RNF126: variants seen among roughly 807,000 people sequenced by gnomAD.
RNF126 encodes the protein ring finger protein 126.
RNF126 carries 20 observed loss-of-function variants against 41.9 expected under a neutral mutation model. That is an observed-to-expected ratio of 0.48 (90% CI 0.34 to 0.69). The LOEUF is 0.69. Ranked by LOEUF, RNF126 falls within the 30% of genes least tolerant of loss-of-function variation. RNF126 has a pLI of 0.01. For synonymous variants in RNF126, 239 were observed against 202.9 expected (o/e 1.18, Z -1.51); for missense variants, 433 against 460.6 (o/e 0.94, Z 0.55).
chr19:659,764 G>GC lies in RNF126; in HGVS notation c.75+3282dup, dbSNP rs1345288343. Among the ~76,000 whole-genome samples, 1 of 145,694 alleles carries GC rather than the reference G, an allele frequency of 6.9e-6. No homozygotes were observed. The highest frequency in any genetic ancestry group is 1.5e-5 in the Non-Finnish European group (1 of 66,646). On this transcript the variant is annotated intron_variant, in intron 1 of 8. Coordinates refer to ENST00000292363, the MANE Select transcript of RNF126 (RefSeq NM_194460.3). The surrounding 1 kb of genome is among the most constrained non-coding windows in gnomAD (Gnocchi z 4.9). Reference sequence around the variant, plus strand: ...CAGACACCCAGACACCCTCGTCATCGCCTTTTTTTTTTTTTTTTGGAAGGA... The same window carrying GC: ...CAGACACCCAGACACCCTCGTCATCGCCCTTTTTTTTTTTTTTTTGGAAGGA...
rs201714687 is a variant in RNF126 at position 648,353 on chromosome 19, G to A, written c.786+19C>T. ...AGGGCCGCGGTCGGGGTGGGGGGGC[G>A]GGTGGGCGGGGCACTCACCTGCTCC... On this transcript the variant is annotated intron_variant, in intron 8 of 8. Coordinates refer to ENST00000292363, the MANE Select transcript of RNF126 (RefSeq NM_194460.3). 3.8e-4 allele frequency: 253 copies of A among 659,626 alleles called. No individual in the cohort carries two copies. In the East Asian group the frequency reaches 7.0e-3, roughly 18 times the overall value. 40.9% of individuals were successfully genotyped at this position (659,626 alleles called of 1,614,324 possible). A position where few individuals can be genotyped will look rare whatever the true frequency, so the allele number is the denominator to read the frequency against.
chr19:652,744 C>T (rs1015949169), intron 2 of RNF126, 82 bp downstream of exon 2: 30 of 1,328,710 alleles, frequency 2.3e-5, no homozygotes, highest in Admixed American at 7.3e-5. Context: ...CTCGGCGGGG[C>T]GGACGCCAGC....
chr19:656,222 C>T (rs1170067589), intron 1 of RNF126, among the ~76,000 whole-genome samples: 2 of 152,006 alleles, frequency 1.3e-5, no homozygotes, highest in South Asian at 2.1e-4. Flanking sequence ...ATGGGCCAGG[C>T]GCCTGTGGTC....
intron 1 of RNF126, among the ~76,000 whole-genome samples, chr19:654,732 C>T (rs943746547): frequency 5.4e-5 from 8 of 148,512 alleles, no homozygotes; most frequent in African/African-American, 1.8e-4. Context: ...TTTGGGAGGC[C>T]GAGGCAGGCG....
At position 651,699 on chromosome 19, in the gene RNF126, G is replaced by A. The variant is rs761653943; in HGVS notation, c.355C>T (p.Arg119Trp). ...ESRRERDHPS[R>W]HRYGARQPRA... ...GGCTGTCGGGCGCCGTACCGGTGCCGGGACGGATGGTCTCTCTCCCGCCGG... is the reference window on the plus strand; with the variant it reads ...GGCTGTCGGGCGCCGTACCGGTGCCAGGACGGATGGTCTCTCTCCCGCCGG... Residue 119 changes from arginine to tryptophan, a missense_variant, in exon 4 of 9, where the codon CGG (arginine) becomes TGG (tryptophan). Coordinates refer to ENST00000292363, the MANE Select transcript of RNF126 (RefSeq NM_194460.3). 27 of 1,602,364 alleles carry A rather than the reference G, an allele frequency of 1.7e-5. No individual in the cohort carries two copies. The highest frequency in any genetic ancestry group is 5.4e-5 in the African/African-American group (4 of 74,620).
rs1387134512 is a variant in RNF126 at position 652,743 on chromosome 19, G to A, written c.134+83C>T. ...GCCTGACGGCCCCACACTCGGCGGGGCGGACGCCAGCACAGCCCACACCCC... is the reference window on the plus strand; with the variant it reads ...GCCTGACGGCCCCACACTCGGCGGGACGGACGCCAGCACAGCCCACACCCC... On this transcript the variant is annotated intron_variant, in intron 2 of 8. Transcript: ENST00000292363. The A allele has an allele frequency of 3.1e-5, 41 of 1,325,646 alleles. No homozygotes were observed. The East Asian group carries it at 3.3e-4, about 11-fold the overall frequency. 82.1% of individuals were successfully genotyped at this position (1,325,646 alleles called of 1,614,324 possible).
At chr19:656,342 C>CA (rs1250813846) in intron 1 of RNF126, among the ~76,000 whole-genome samples, 3 of 150,966 alleles carry the variant, frequency 2.0e-5, no homozygotes, top group Non-Finnish European at 3.0e-5. Context: ...AAAACAAAAA[C>CA]AAAAAAAAGA....
In RNF126 at chr19:656,728, G is replaced by A. The variant is rs371134337; in HGVS notation, c.76-3844C>T. On this transcript the variant is annotated intron_variant, in intron 1 of 8. Transcript: ENST00000292363. The stretch of plus-strand genomic sequence containing the variant: ...TGGCCCTGAGCTTAGTGTGGGAGCA[G>A]TGTGGCTCTGCCACAGTGGCCGTGA... Among the ~76,000 whole-genome samples the A allele has an allele frequency of 3.3e-5, 5 of 152,246 alleles. No homozygotes were observed. The East Asian group carries it at 9.6e-4, about 29-fold the overall frequency.
chr19:658,252 C>G (rs1300069574), intron 1 of RNF126, among the ~76,000 whole-genome samples: 1 of 152,128 alleles, frequency 6.6e-6, no homozygotes, highest in Non-Finnish European at 1.5e-5. Flanking sequence ...GGCAGGGCAG[C>G]AGAGGCCCCT....
intron 5 of RNF126, 117 bp downstream of exon 5, chr19:650,117 G>A: frequency 1.2e-6 from 1 of 840,134 alleles, no homozygotes; most frequent in South Asian, 1.7e-5. Context: ...GCTGGGGATG[G>A]GGACAGGCAC....
At position 651,629 on chromosome 19, in the gene RNF126, C is replaced by A; in HGVS notation, c.425G>T (p.Gly142Val). 1 of 1,465,510 alleles carries A rather than the reference C, an allele frequency of 6.8e-7. No individual in the cohort carries two copies. Among genetic ancestry groups the A allele is most frequent in the Non-Finnish European group, 9.0e-7 (1 of 1,111,112 alleles). The allele number at this position is 1,465,510 out of a possible 1,614,324, so 90.8% of individuals were successfully genotyped here. Residue 142 changes from glycine (G) to valine (V), a missense_variant, in exon 4 of 9, where the codon GGC (glycine) becomes GTC (valine). Physicochemically the swap from Gly to Val is moderately radical, Grantham distance 109 (BLOSUM62 -3). This residue lies in a region of RNF126 where 247 missense variants were observed against 224.7 expected (regional missense o/e 1.10). Coordinates refer to ENST00000292363, the MANE Select transcript of RNF126 (RefSeq NM_194460.3). ...CCCTCACCCTTCCAGCGTGGGGACG[C>A]CTTCGTGCCGGCCGGTGGCCCGCCG... ...TTRRATGRHE[G>V]VPTLEGIIQQ...
intron 1 of RNF126, among the ~76,000 whole-genome samples, chr19:655,709 G>T (rs137868233): frequency 6.6e-5 from 10 of 152,168 alleles, no homozygotes; most frequent in Non-Finnish European, 1.3e-4. Context: ...AGACCCCAGA[G>T]AAACGAAGAC....
intron 6 of RNF126, chr19:649,411 T>G (rs1208614126): frequency 1.9e-6 from 1 of 515,206 alleles, no homozygotes; most frequent in Non-Finnish European, 3.5e-6. Flanking sequence ...CCGCGTGGCC[T>G]CCTGACCATG....
rs937213575 is a variant in RNF126, at chr19:651,991, G to A, written c.199-136C>T. ...GGTGGGAGGGAGACGCAGACAGGGA[G>A]GCAGGAATTGGGCAGAGCCTGCCCC... On this transcript the variant is annotated intron_variant, in intron 3 of 8. Transcript: ENST00000292363. The A allele has an allele frequency of 3.1e-5, 25 of 805,034 alleles. No homozygotes were observed. The Admixed American group carries it at 3.5e-4, about 11-fold the overall frequency. 49.9% of individuals were successfully genotyped at this position (805,034 alleles called of 1,614,324 possible).
At position 656,791 on chromosome 19, in the gene RNF126, G is replaced by T. The variant is rs549858696; in HGVS notation, c.76-3907C>A. On this transcript the variant is annotated intron_variant, in intron 1 of 8. Transcript: ENST00000292363. ...GGCGTCGGTTCTTGGGGTGTGTTTG[G>T]GGTGTCGGGATTGGGACGCCCCACG... Among the ~76,000 whole-genome samples, 52 of 152,312 alleles carry T rather than the reference G, an allele frequency of 3.4e-4. 1 individual carries two copies. The highest frequency in any genetic ancestry group is 1.3e-3 in the African/African-American group (52 of 41,560).
Position 648,230 on chromosome 19 carries a change from C to A in RNF126, c.834G>T (p.Thr278=). Residue 278 remains threonine (T), a synonymous_variant, in exon 9 of 9, where the codon ACG becomes ACT. Transcript: ENST00000292363. The part of the protein sequence containing the change: ...VCRKSLTGQN[T]ATNPPGLTGV... ...CAGTGAGGCCAGGGGGGTTCGTGGC[C>A]GTGTTCTGTCCCGTGAGGCTTTTTC... is the stretch of plus-strand genomic sequence containing the variant. 1.3e-6 allele frequency: 2 copies of A among 1,596,148 alleles called. No homozygotes were observed. Among genetic ancestry groups the A allele is most frequent in the Non-Finnish European group, 1.7e-6 (2 of 1,171,734 alleles).
At chr19:657,985 A>G (rs2030630133) in intron 1 of RNF126, among the ~76,000 whole-genome samples, 1 of 152,024 alleles carries the variant, frequency 6.6e-6, no homozygotes, top group Non-Finnish European at 1.5e-5. Flanking sequence ...GGGCCTGGTG[A>G]AGGAGCTGCC....
At chr19:652,182 GC>G in intron 3 of RNF126, 50 bp downstream of exon 3, 2 of 1,425,864 alleles carry the variant, frequency 1.4e-6, no homozygotes, top group Non-Finnish European at 9.3e-7. Context: ...GGCGCTCGGG[GC>G]CCCGAGCAAG....
chr19:649,487 A>T (rs2030166965), intron 6 of RNF126, 192 bp downstream of exon 6: 1 of 584,792 alleles, frequency 1.7e-6, no homozygotes, highest in Non-Finnish European at 3.1e-6. Flanking sequence ...GAGAACCCCC[A>T]AAGTTGCCAA....
Sources: allele counts gnomAD v4.1 joint callset (sites outside exome capture counted in the v4.1 genomes callset), GRCh38; gene constraint gnomAD v4.1.1; regional missense constraint gnomAD v4.1.1; non-coding constraint Gnocchi (gnomAD v3.1); transcripts MANE v1.5; gene names NCBI Gene and HGNC (gene_info 2026-07-23, HGNC 2026-07-21).